The following WDR26 variants were observed in gnomAD, a reference collection of about 807,000 sequenced individuals.
WDR26 encodes the protein WD repeat-containing protein 26.
WDR26 carries 5 observed loss-of-function variants against 84.1 expected under a neutral mutation model. The observed-to-expected ratio is 0.06, with a 90% confidence interval of 0.03 to 0.13. The LOEUF (loss-of-function observed/expected upper bound fraction) is 0.13, where lower values mean the gene tolerates loss of function less well. WDR26 is among the 10% of genes least tolerant of loss of function. The pLI, the probability that WDR26 is intolerant of heterozygous loss-of-function variation, is 1.00. For synonymous variants in WDR26, 415 were observed against 389.6 expected (o/e 1.07, Z -0.77); for missense variants, 642 against 974.9 (o/e 0.66, Z 4.55).
intron 1 of WDR26, among the ~76,000 whole-genome samples, chr1:224,432,523 C>T (rs1674421663): frequency 6.6e-6 from 1 of 152,196 alleles, no homozygotes. Flanking sequence ...ATTCTGGTAT[C>T]TAAGAACCTT....
At chr1:224,415,196 A>G (rs1398133335) in intron 6 of WDR26, among the ~76,000 whole-genome samples, 1 of 152,204 alleles carries the variant, frequency 6.6e-6, no homozygotes, top group African/African-American at 2.4e-5. Flanking sequence ...TGGTTTGGGA[A>G]AACTGGGTAG....
At chr1:224,428,100 T>A (rs926005839) in intron 3 of WDR26, among the ~76,000 whole-genome samples, 5 of 152,228 alleles carry the variant, frequency 3.3e-5, no homozygotes, top group Non-Finnish European at 7.3e-5. Context: ...CATTTTAATA[T>A]CTAATAAATT....
intron 7 of WDR26, among the ~76,000 whole-genome samples, chr1:224,407,620 T>C (rs1254444853): frequency 6.6e-6 from 1 of 151,564 alleles, no homozygotes; most frequent in Non-Finnish European, 1.5e-5. Context: ...GCAATTCTCC[T>C]GCCTCAGCCT....
intron 13 of WDR26, among the ~76,000 whole-genome samples, chr1:224,392,138 G>C (rs1673145244): frequency 6.6e-6 from 1 of 152,106 alleles, no homozygotes; most frequent in African/African-American, 2.4e-5. Flanking sequence ...GAGGCGGGTG[G>C]ATCACGAGGT....
chr1:224,398,832 T>TA, intron 10 of WDR26, 57 bp downstream of exon 10: 1 of 1,599,032 alleles, frequency 6.3e-7, no homozygotes, highest in Non-Finnish European at 8.5e-7. Context: ...CAAGTTCCAC[T>TA]ACACATTTGA....
chr1:224,424,058 C>CT (rs554775944), intron 4 of WDR26, among the ~76,000 whole-genome samples: 3,704 of 151,752 alleles, frequency 0.024, 56 homozygotes, highest in Middle Eastern at 0.041. Flanking sequence ...CCTTCACCCC[C>CT]CAAAAAAGGA....
chr1:224,395,806 T>C (rs1572159071), intron 12 of WDR26, among the ~76,000 whole-genome samples: 1 of 152,280 alleles, frequency 6.6e-6, no homozygotes, highest in East Asian at 1.9e-4. Flanking sequence ...GTAATCAAGG[T>C]CAAAATGACA....
At chr1:224,433,615 T>G in intron 1 of WDR26, 69 bp downstream of exon 1, 3 of 368,560 alleles carry the variant, frequency 8.1e-6, no homozygotes, top group Non-Finnish European at 1.1e-5. Context: ...CCTCCGCCCC[T>G]TCCCCTACCC....
chr1:224,402,038 G>A (rs1294090503), intron 8 of WDR26: 1 of 152,128 alleles, frequency 6.6e-6, no homozygotes, highest in East Asian at 1.9e-4. Flanking sequence ...TTTGTTCATG[G>A]ATTAGAAACA....
chr1:224,408,139 A>G (rs1673634126), intron 7 of WDR26, among the ~76,000 whole-genome samples: 1 of 152,208 alleles, frequency 6.6e-6, no homozygotes, highest in African/African-American at 2.4e-5. Context: ...TCTGGCTGCT[A>G]TTTAATTAAC....
In WDR26 at chr1:224,411,489, C is replaced by A; in HGVS notation, c.1396G>T (p.Asp466Tyr). Residue 466 changes from aspartate to tyrosine, a missense_variant, in exon 7 of 14, where the codon GAT becomes TAT. By Grantham distance (160) the Asp-to-Tyr change is radical. Around this residue, in one of 2 missense-constraint regions of WDR26, gnomAD observed 351 missense variants for 672.8 expected, o/e 0.52. Transcript: ENST00000414423. ...GATCCTGTTGCTAGTTTAGTGCCAT[C>A]ATTAGAGAATTTACAGAACCACACT... 6.2e-7 allele frequency: 1 copy of A among 1,613,538 alleles called. No individual in the cohort carries two copies. The highest frequency in any genetic ancestry group is 8.5e-7 in the Non-Finnish European group (1 of 1,179,774).
intron 7 of WDR26, among the ~76,000 whole-genome samples, chr1:224,409,015 T>C (rs1485509979): frequency 2.0e-5 from 3 of 152,112 alleles, no homozygotes; most frequent in African/African-American, 4.8e-5. Context: ...ATTAACAAGG[T>C]AGTATTAGGC....
At position 224,398,597 on chromosome 1, in the gene WDR26, G is replaced by C; in HGVS notation, c.1866-4C>G. On this transcript the variant is annotated splice_region_variant and splice_polypyrimidine_tract_variant and intron_variant, in intron 10 of 13. Coordinates refer to ENST00000414423, the MANE Select transcript of WDR26 (RefSeq NM_001379403.1). ...AATAGGATGATCTTCTTGTACTCTG[G>C]AACCAGAAAATAATTTGTCAAAAAC... 6.3e-7 allele frequency: 1 copy of C among 1,591,822 alleles called. No homozygotes were observed. The highest frequency in any genetic ancestry group is 2.2e-5 in the East Asian group (1 of 44,634).
chr1:224,423,955 G>A (rs1674138414), intron 4 of WDR26, among the ~76,000 whole-genome samples: 1 of 152,138 alleles, frequency 6.6e-6, no homozygotes, highest in Admixed American at 6.6e-5. Context: ...AATGTGGCGA[G>A]GTACAGTGAC....
chr1:224,393,601 C>T (rs1485041369), intron 13 of WDR26, among the ~76,000 whole-genome samples: 3 of 152,124 alleles, frequency 2.0e-5, no homozygotes, highest in East Asian at 3.8e-4. Context: ...AATGAGGTAT[C>T]ATATTCCAGC....
chr1:224,407,179 AAAC>A (rs1481016935), intron 7 of WDR26, among the ~76,000 whole-genome samples: 5 of 104,262 alleles, frequency 4.8e-5, no homozygotes, highest in African/African-American at 1.5e-4. Flanking sequence ...TATAACTCAA[AAAC>A]TTTTATGTAC....
intron 3 of WDR26, 197 bp from the exon 4 acceptor site, chr1:224,424,851 C>T (rs753726140): frequency 1.6e-5 from 10 of 622,272 alleles, no homozygotes; most frequent in Non-Finnish European, 2.8e-5. Flanking sequence ...AATTCCACAT[C>T]TTACTAAAAC....
At chr1:224,425,866 T>C (rs1179521411) in intron 3 of WDR26, among the ~76,000 whole-genome samples, 1 of 151,874 alleles carries the variant, frequency 6.6e-6, no homozygotes, top group Non-Finnish European at 1.5e-5. Context: ...ATGCTTTTCT[T>C]CTTTTTTTTT....
chr1:224,392,636 T>A (rs1281058106), intron 13 of WDR26, among the ~76,000 whole-genome samples: 1 of 152,134 alleles, frequency 6.6e-6, no homozygotes, highest in Non-Finnish European at 1.5e-5. Context: ...CAGGTAGTGA[T>A]CTATAAATAC....
Sources: allele counts gnomAD v4.1 joint callset (sites outside exome capture counted in the v4.1 genomes callset), GRCh38; gene constraint gnomAD v4.1.1; regional missense constraint gnomAD v4.1.1; transcripts MANE v1.5; gene names NCBI Gene and HGNC (gene_info 2026-07-23, HGNC 2026-07-21).